The following COL23A1 variants were observed in gnomAD, a reference collection of about 807,000 sequenced individuals.
COL23A1 encodes the protein collagen alpha-1(XXIII) chain.
Under a neutral mutation model 99.3 loss-of-function variants are expected in COL23A1, and 97 were observed. That is an observed-to-expected ratio of 0.98 (90% CI 0.83 to 1.16). The LOEUF is 1.16. Ranked by LOEUF, COL23A1 falls within the 50% of genes most tolerant of loss-of-function variation. The pLI is 0.00. For synonymous variants in COL23A1, 320 were observed against 308.2 expected (o/e 1.04, Z -0.40); for missense variants, 762 against 757.4 (o/e 1.01, Z -0.07).
At chr5:178,502,056 G>A (rs561239351) in intron 2 of COL23A1, among the ~76,000 whole-genome samples, 7 of 152,362 alleles carry the variant, frequency 4.6e-5, no homozygotes, top group East Asian at 3.9e-4. Context: ...TAAGAATCAC[G>A]CTACCTTCTT....
At chr5:178,333,024 C>T (rs1760117841) in intron 2 of COL23A1, among the ~76,000 whole-genome samples, 1 of 152,160 alleles carries the variant, frequency 6.6e-6, no homozygotes, top group African/African-American at 2.4e-5. Context: ...GTGGCCCGAT[C>T]TTGGCTCACT....
intron 2 of COL23A1, among the ~76,000 whole-genome samples, chr5:178,323,000 T>C (rs1201794225): frequency 6.6e-6 from 1 of 152,116 alleles, no homozygotes; most frequent in East Asian, 1.9e-4. Flanking sequence ...CTTCCTGGTG[T>C]CTGGAAACTT....
intron 2 of COL23A1, among the ~76,000 whole-genome samples, chr5:178,547,720 A>C (rs1247759707): frequency 3.8e-4 from 1 of 2,628 alleles, no homozygotes; most frequent in Non-Finnish European, 6.7e-4. Flanking sequence ...CACCCCCCAC[A>C]CCCACACACC....
chr5:178,323,130 C>T (rs1290098765), intron 2 of COL23A1, among the ~76,000 whole-genome samples: 2 of 152,050 alleles, frequency 1.3e-5, no homozygotes, highest in Non-Finnish European at 2.9e-5. Context: ...AGAAGGGGCT[C>T]CTGAGCCTGG....
intron 2 of COL23A1, among the ~76,000 whole-genome samples, chr5:178,411,506 T>C: frequency 6.6e-6 from 1 of 152,036 alleles, no homozygotes; most frequent in East Asian, 1.9e-4. Context: ...GTGGATGAAC[T>C]GAAAAAAATA....
At chr5:178,451,921 T>A (rs1767512097) in intron 2 of COL23A1, among the ~76,000 whole-genome samples, 1 of 152,102 alleles carries the variant, frequency 6.6e-6, no homozygotes, top group Admixed American at 6.6e-5. Context: ...GTAGGAAACA[T>A]CATAGAAATA....
intron 2 of COL23A1, among the ~76,000 whole-genome samples, chr5:178,524,285 C>T (rs566269583): frequency 2.6e-5 from 4 of 152,312 alleles, no homozygotes; most frequent in African/African-American, 4.8e-5. Flanking sequence ...TGTGGCCCCC[C>T]GCAGCTCCAG....
At chr5:178,550,581 T>A (rs1341498508) in intron 2 of COL23A1, among the ~76,000 whole-genome samples, 1 of 152,222 alleles carries the variant, frequency 6.6e-6, no homozygotes, top group African/African-American at 2.4e-5. Context: ...ATGTATCGTA[T>A]TTTTGTCTAG....
At chr5:178,463,550 G>T (rs922409413) in intron 2 of COL23A1, among the ~76,000 whole-genome samples, 1 of 152,210 alleles carries the variant, frequency 6.6e-6, no homozygotes, top group East Asian at 1.9e-4. Context: ...TTTGGAAACC[G>T]CCACTGGGAC....
intron 3 of COL23A1, among the ~76,000 whole-genome samples, chr5:178,296,430 C>T (rs1261156515): frequency 1.3e-5 from 2 of 152,224 alleles, no homozygotes; most frequent in African/African-American, 4.8e-5. Flanking sequence ...TGCCCAGGGT[C>T]ATGTCCTCTT....
chr5:178,328,291 C>A (rs1168049200), intron 2 of COL23A1, among the ~76,000 whole-genome samples: 3 of 152,204 alleles, frequency 2.0e-5, no homozygotes, highest in African/African-American at 7.2e-5. Context: ...CACCTCTGGG[C>A]CTCCCTTCCC....
intron 2 of COL23A1, among the ~76,000 whole-genome samples, chr5:178,546,730 T>A (rs892499368): frequency 6.6e-6 from 1 of 152,206 alleles, no homozygotes; most frequent in South Asian, 2.1e-4. Context: ...ATTTGTACCA[T>A]GTAGCAAGGG....
At chr5:178,359,894 C>A (rs1217187088) in intron 2 of COL23A1, among the ~76,000 whole-genome samples, 3 of 152,166 alleles carry the variant, frequency 2.0e-5, no homozygotes. Flanking sequence ...GGAGAGGGAG[C>A]AGAGGAGCCC....
Position 178,287,287 on chromosome 5 carries a change from G to A in COL23A1, c.441+1037C>T, listed in dbSNP as rs749586923. On this transcript the variant is annotated intron_variant, in intron 5 of 28. Coordinates refer to ENST00000390654, the MANE Select transcript of COL23A1 (RefSeq NM_173465.4). ...CTGCTCATTGCTGGGGGAGCTGCCC[G>A]GACTGCCTGGGAGATCCCAAACTTG... Among the ~76,000 whole-genome samples the A allele has an allele frequency of 4.6e-5, 7 of 152,200 alleles. No individual in the cohort carries two copies. The South Asian group carries it at 6.2e-4, about 13-fold the overall frequency.
At chr5:178,425,533 A>C (rs1765881099) in intron 2 of COL23A1, among the ~76,000 whole-genome samples, 1 of 151,912 alleles carries the variant, frequency 6.6e-6, no homozygotes, top group Admixed American at 6.6e-5. Flanking sequence ...CCTCATCCGC[A>C]AAAAGGTGGA....
chr5:178,502,189 T>TTG (rs1758581478), intron 2 of COL23A1, among the ~76,000 whole-genome samples: 2 of 152,226 alleles, frequency 1.3e-5, no homozygotes, highest in Non-Finnish European at 2.9e-5. Flanking sequence ...TGGAGTGCAG[T>TTG]GGCGTGATCT....
rs1758537914 is a variant in COL23A1, at chr5:178,309,300, G to T, written c.362-2381C>A. Among the ~76,000 whole-genome samples, 1 of 152,184 alleles carries T rather than the reference G, an allele frequency of 6.6e-6. No individual in the cohort carries two copies. Among genetic ancestry groups the T allele is most frequent in the South Asian group, 2.1e-4 (1 of 4,828 alleles). ...CAGGGTGGGCAGCTGCCCAGGCAGG[G>T]TAGGGTGCCTGCCTCCCAGGGTCAC... On this transcript the variant is annotated intron_variant, in intron 2 of 28. Coordinates refer to ENST00000390654, the MANE Select transcript of COL23A1 (RefSeq NM_173465.4). This position sits in a 1 kb window ranked among gnomAD's most constrained non-coding sequence, Gnocchi z 4.7.
intron 16 of COL23A1, 126 bp from the exon 17 acceptor site, chr5:178,252,723 G>A: frequency 1.3e-6 from 1 of 763,632 alleles, no homozygotes. Context: ...GGGTCCTTGG[G>A]GACTGCTTCT....
intron 2 of COL23A1, among the ~76,000 whole-genome samples, chr5:178,479,033 G>C (rs895726304): frequency 5.5e-4 from 83 of 152,216 alleles, no homozygotes; most frequent in African/African-American, 1.9e-3. Flanking sequence ...GGCCCAGGGA[G>C]ACAGCCATGT....
Sources: allele counts gnomAD v4.1 joint callset (sites outside exome capture counted in the v4.1 genomes callset), GRCh38; gene constraint gnomAD v4.1.1; non-coding constraint Gnocchi (gnomAD v3.1); transcripts MANE v1.5; gene names NCBI Gene and HGNC (gene_info 2026-07-23, HGNC 2026-07-21).